Variants in ERCC6L2 observed in about 807,000 individuals in gnomAD.
ERCC6L2 encodes the protein ERCC excision repair 6 like 2.
In ERCC6L2, 77 loss-of-function variants were observed where a neutral mutation model predicts 132.0. The observed-to-expected ratio is 0.58, with a 90% CI of 0.49 to 0.71. The LOEUF is 0.71. ERCC6L2 is among the 30% of genes least tolerant of loss of function. ERCC6L2 has a pLI of 0.00. For synonymous variants in ERCC6L2, 583 were observed against 632.4 expected, an observed-to-expected ratio of 0.92 and a Z score of 1.17; for missense variants, 1,542 against 1,837.6, an observed-to-expected ratio of 0.84 and a Z score of 2.94.
Position 95,971,928 on chromosome 9 carries a change from T to C in ERCC6L2, c.2182-5T>C. 7.8e-7 allele frequency: 1 copy of C among 1,277,924 alleles called. No individual in the cohort carries two copies. The highest frequency in any genetic ancestry group is 1.0e-6 in the Non-Finnish European group (1 of 975,324). 79.2% of individuals were successfully genotyped at this position (1,277,924 alleles called of 1,614,324 possible). On this transcript the variant is annotated splice_polypyrimidine_tract_variant and splice_region_variant and intron_variant, in intron 15 of 18. Coordinates refer to ENST00000653738, the MANE Select transcript of ERCC6L2 (RefSeq NM_020207.7). The stretch of plus-strand genomic sequence containing the variant: ...CTGATGTTTTTGTCATTGTTTCTCC[T>C]ATAGCCTAGACAGCCTGACTGTCAG...
chr9:95,889,253 A>G (rs746617703), intron 2 of ERCC6L2, among the ~76,000 whole-genome samples: 6 of 152,180 alleles, frequency 3.9e-5, no homozygotes. Context: ...ATCACCTTGG[A>G]TAGATGAGCA....
intron 18 of ERCC6L2, 104 bp downstream of exon 18, chr9:96,004,805 C>G: frequency 1.4e-6 from 1 of 722,082 alleles, no homozygotes. Context: ...TAACTGACAT[C>G]TGAATATTTC....
intron 12 of ERCC6L2, among the ~76,000 whole-genome samples, chr9:95,941,966 A>T (rs1196770942): frequency 6.6e-6 from 1 of 152,182 alleles, no homozygotes; most frequent in African/African-American, 2.4e-5. Context: ...CAACTACAGT[A>T]TGTGGGAGTA....
At chr9:96,037,471 T>A (rs1349163080) in intron 19 of ERCC6L2, among the ~76,000 whole-genome samples, 2 of 152,242 alleles carry the variant, frequency 1.3e-5, no homozygotes, top group African/African-American at 4.8e-5. Context: ...TGTCTTGTTT[T>A]ATTTTCCAAG....
intron 17 of ERCC6L2, among the ~76,000 whole-genome samples, chr9:95,983,394 G>T (rs1013187158): frequency 6.6e-6 from 1 of 152,184 alleles, no homozygotes; most frequent in Admixed American, 6.5e-5. Context: ...ATAGAAAATA[G>T]CTATAAGTCT....
intron 19 of ERCC6L2, among the ~76,000 whole-genome samples, chr9:96,034,365 C>T (rs765627650): frequency 1.3e-5 from 2 of 152,208 alleles, no homozygotes; most frequent in African/African-American, 4.8e-5. Context: ...GCTGGAGGAC[C>T]TTCCAGGCAT....
chr9:95,894,956 T>C (rs1828373442), intron 2 of ERCC6L2, among the ~76,000 whole-genome samples: 1 of 152,200 alleles, frequency 6.6e-6, no homozygotes, highest in Non-Finnish European at 1.5e-5. Flanking sequence ...TTTGCAGTAG[T>C]GTGCAGTGTT....
intron 16 of ERCC6L2, among the ~76,000 whole-genome samples, chr9:95,974,789 T>A (rs1192361035): frequency 6.6e-6 from 1 of 151,958 alleles, no homozygotes. Context: ...ATACGTATAT[T>A]TGTGATATAT....
chr9:95,945,432 A>T (rs1831014261), intron 12 of ERCC6L2, among the ~76,000 whole-genome samples: 1 of 152,204 alleles, frequency 6.6e-6, no homozygotes, highest in Admixed American at 6.5e-5. Context: ...CAGTTAACGC[A>T]ATCATCACAG....
intron 9 of ERCC6L2, among the ~76,000 whole-genome samples, chr9:95,924,393 TACC>T (rs1162848645): frequency 6.6e-6 from 1 of 152,098 alleles, no homozygotes; most frequent in Non-Finnish European, 1.5e-5. Flanking sequence ...TGTGATTTAT[TACC>T]ACAACAAATA....
At position 95,970,604 on chromosome 9, in the gene ERCC6L2, TGACAGCCACAACA is replaced by T; in HGVS notation, c.2130_2142del (p.Met710IlefsTer3). The T allele has an allele frequency of 7.7e-7, 1 of 1,303,882 alleles. No individual in the cohort carries two copies. The highest frequency in any genetic ancestry group is 1.0e-6 in the Non-Finnish European group (1 of 988,682). 80.8% of individuals were successfully genotyped at this position (1,303,882 alleles called of 1,614,324 possible). A position where few individuals can be genotyped will look rare whatever the true frequency, so the allele number is the denominator to read the frequency against. On this transcript the variant is annotated frameshift_variant, in exon 15 of 19. Coordinates refer to ENST00000653738, the MANE Select transcript of ERCC6L2 (RefSeq NM_020207.7). LOFTEE classifies it high-confidence loss of function. ...GAAGGCCAAGTAGAAGCAGGGATCA[TGACAGCCACAACA>T]TGGTTGAAAGAGGGACCTCCAGCAC...
chr9:95,957,688 C>G (rs73656589), intron 13 of ERCC6L2, among the ~76,000 whole-genome samples: 3,234 of 151,828 alleles, frequency 0.021, 134 homozygotes, highest in African/African-American at 0.075. Context: ...ATAAAACACG[C>G]TTCAGAAGAT....
chr9:96,035,071 C>T (rs892900681), intron 19 of ERCC6L2, among the ~76,000 whole-genome samples: 1 of 152,192 alleles, frequency 6.6e-6, no homozygotes, highest in African/African-American at 2.4e-5. Flanking sequence ...CCACACCCCC[C>T]ATCCCTGCAG....
rs370724284 is a variant in ERCC6L2 at position 95,925,540 on chromosome 9, C to G, written c.1533+2161C>G. Among the ~76,000 whole-genome samples the G allele has an allele frequency of 2.6e-4, 40 of 152,270 alleles. 1 individual carries two copies. The Middle Eastern group carries it at 0.014, about 52-fold the overall frequency. ...ACATTGGGTCTATATTGTTAAGACT[C>G]CAACATCTGTTGATTACATTGTCAT... On this transcript the variant is annotated intron_variant, in intron 9 of 18. Transcript: ENST00000653738.
chr9:95,995,552 C>T (rs534694588), intron 17 of ERCC6L2, among the ~76,000 whole-genome samples: 2 of 152,224 alleles, frequency 1.3e-5, no homozygotes, highest in South Asian at 4.1e-4. Context: ...CATAGGCATT[C>T]CTTGTTTTAG....
intron 17 of ERCC6L2, among the ~76,000 whole-genome samples, chr9:95,984,549 T>A (rs1314776760): frequency 6.6e-6 from 1 of 152,074 alleles, no homozygotes; most frequent in African/African-American, 2.4e-5. Flanking sequence ...GCCTTCCTCT[T>A]ACACTCTTTC....
intron 2 of ERCC6L2, 136 bp from the exon 3 acceptor site, chr9:95,897,713 A>G (rs1828541245): frequency 2.3e-6 from 2 of 870,240 alleles, no homozygotes; most frequent in East Asian, 5.3e-5. Flanking sequence ...AATCAGTACT[A>G]ATATTTCATG....
chr9:95,960,227 G>T (rs1831837420), intron 13 of ERCC6L2, among the ~76,000 whole-genome samples: 1 of 152,094 alleles, frequency 6.6e-6, no homozygotes, highest in Non-Finnish European at 1.5e-5. Context: ...AAGCACTGCA[G>T]TAGACAGAGA....
intron 3 of ERCC6L2, chr9:95,905,001 C>A (rs2132646840): frequency 6.6e-6 from 1 of 152,192 alleles, no homozygotes; most frequent in South Asian, 2.1e-4. Context: ...CACCCTTCCC[C>A]CATGTCTACA....
Sources: allele counts gnomAD v4.1 joint callset (sites outside exome capture counted in the v4.1 genomes callset), GRCh38; gene constraint gnomAD v4.1.1; transcripts MANE v1.5; gene names NCBI Gene and HGNC (gene_info 2026-07-23, HGNC 2026-07-21).